Variants in SHANK2 observed in about 807,000 individuals in gnomAD.
SHANK2 encodes the protein SH3 and multiple ankyrin repeat domains 2, also known as SH3 and multiple ankyrin repeat domains protein 2.
SHANK2 carries 43 observed loss-of-function variants against 133.7 expected under a neutral mutation model. The ratio of observed to expected loss-of-function variants is 0.32; its 90% CI spans 0.25 to 0.41. The LOEUF (loss-of-function observed/expected upper bound fraction) is 0.41, where lower values mean the gene tolerates loss of function less well. SHANK2 is among the 10% of genes least tolerant of loss of function. The pLI, the probability that SHANK2 is intolerant of heterozygous loss-of-function variation, is 1.00. For missense variants in SHANK2, 1,994 were observed against 2,235.8 expected (o/e 0.89, Z 2.18); for synonymous variants, 1,017 against 952.8 (o/e 1.07, Z -1.24).
intron 1 of SHANK2, among the ~76,000 whole-genome samples, chr11:71,234,870 C>T (rs906693815): frequency 1.3e-5 from 2 of 152,168 alleles, no homozygotes; most frequent in African/African-American, 4.8e-5. Context: ...CTCTAATATT[C>T]GAAACATGTA....
intron 10 of SHANK2, among the ~76,000 whole-genome samples, chr11:70,917,659 G>A (rs1555080062): frequency 6.6e-6 from 1 of 152,202 alleles, no homozygotes; most frequent in Non-Finnish European, 1.5e-5. Context: ...ATACACCATG[G>A]AATACTACGC....
At chr11:70,588,761 T>G (rs888283043) in intron 17 of SHANK2, among the ~76,000 whole-genome samples, 5 of 152,242 alleles carry the variant, frequency 3.3e-5, no homozygotes, top group Non-Finnish European at 7.3e-5. Context: ...CCAGAGGATC[T>G]AGTTAACTTC....
At chr11:70,880,629 C>T (rs370261800) in intron 11 of SHANK2, among the ~76,000 whole-genome samples, 4 of 152,358 alleles carry the variant, frequency 2.6e-5, no homozygotes, top group East Asian at 1.9e-4. Context: ...CTCTGCTCCT[C>T]GCCCACCCCT....
intron 15 of SHANK2, 171 bp from the exon 16 acceptor site, chr11:70,661,849 G>T: frequency 6.3e-7 from 1 of 1,585,552 alleles, no homozygotes; most frequent in South Asian, 1.1e-5. Context: ...AGCGAAGGAA[G>T]AGGGGGGTGG....
Position 70,472,288 on chromosome 11 carries a change from A to G in SHANK2, c.*581T>C, listed in dbSNP as rs1429411539. 6.4e-6 allele frequency: 1 copy of G among 156,578 alleles called. No homozygotes were observed. The highest frequency in any genetic ancestry group is 1.4e-5 in the Non-Finnish European group (1 of 70,750). The allele number at this position is 156,578 out of a possible 1,614,324, so 9.7% of individuals were successfully genotyped here. Reference sequence around the variant, plus strand: ...AGGAGATGGGGAAAAGAATCTGTGTAGGAAAAAGTTTCTCTGCCTTTCAGG... The same window carrying G: ...AGGAGATGGGGAAAAGAATCTGTGTGGGAAAAAGTTTCTCTGCCTTTCAGG... On this transcript the variant is annotated 3_prime_UTR_variant, in exon 26 of 26. Transcript: ENST00000601538. The surrounding 1 kb of genome is among the most constrained non-coding windows in gnomAD (Gnocchi z 4.4).
intron 14 of SHANK2, among the ~76,000 whole-genome samples, chr11:70,765,211 T>C (rs1334867724): frequency 6.6e-6 from 1 of 152,204 alleles, no homozygotes; most frequent in African/African-American, 2.4e-5. Context: ...GTGGCATGGC[T>C]GGCCGCCTCC....
At chr11:70,762,041 C>T (rs1947008167) in intron 14 of SHANK2, among the ~76,000 whole-genome samples, 1 of 152,212 alleles carries the variant, frequency 6.6e-6, no homozygotes, top group South Asian at 2.1e-4. Context: ...CCATCAGCAT[C>T]TGTGGGCGTG....
In SHANK2 at chr11:70,678,291, C is replaced by T. The variant is rs372561760; in HGVS notation, c.1854-16613G>A. Among the ~76,000 whole-genome samples the T allele has an allele frequency of 7.6e-4, 116 of 152,076 alleles. 1 individual carries two copies. The South Asian group carries it at 0.02, about 26-fold the overall frequency. ...CCTCCTGGGTGGGAATACAGGCATGCGCCACCAGGCCCAGCTAATTTTTGT... is the reference window on the plus strand; with the variant it reads ...CCTCCTGGGTGGGAATACAGGCATGTGCCACCAGGCCCAGCTAATTTTTGT... On this transcript the variant is annotated intron_variant, in intron 15 of 25. Coordinates refer to ENST00000601538, the MANE Select transcript of SHANK2 (RefSeq NM_012309.5).
At chr11:70,507,956 A>G (rs1355277431) in intron 17 of SHANK2, among the ~76,000 whole-genome samples, 1 of 152,238 alleles carries the variant, frequency 6.6e-6, no homozygotes, top group African/African-American at 2.4e-5. Context: ...GGCTCTGCAA[A>G]TGAACTCAGA....
intron 15 of SHANK2, among the ~76,000 whole-genome samples, chr11:70,682,421 C>G (rs980404945): frequency 6.6e-6 from 1 of 152,164 alleles, no homozygotes; most frequent in African/African-American, 2.4e-5. Context: ...GGAGGATCAC[C>G]GAAGGTCAGG....
intron 10 of SHANK2, among the ~76,000 whole-genome samples, chr11:70,921,433 C>T (rs1950349782): frequency 6.6e-6 from 1 of 152,208 alleles, no homozygotes; most frequent in Non-Finnish European, 1.5e-5. Context: ...GAGTTTTTAG[C>T]AGTGAAGTAG....
At chr11:71,068,076 TCAC>T (rs1387476901) in intron 9 of SHANK2, among the ~76,000 whole-genome samples, 2 of 151,900 alleles carry the variant, frequency 1.3e-5, no homozygotes, top group Non-Finnish European at 2.9e-5. Context: ...ACCATCACCA[TCAC>T]CACCATCATC....
chr11:70,593,648 G>A (rs1030922339), intron 17 of SHANK2, among the ~76,000 whole-genome samples: 2 of 152,214 alleles, frequency 1.3e-5, no homozygotes, highest in African/African-American at 4.8e-5. Context: ...GTGAATGAAC[G>A]GAGTGAAGAG....
intron 2 of SHANK2, among the ~76,000 whole-genome samples, chr11:71,161,107 A>G (rs1174113902): frequency 2.0e-5 from 3 of 152,188 alleles, no homozygotes; most frequent in Non-Finnish European, 2.9e-5. Flanking sequence ...GTATGATGGG[A>G]AGTGGGGATT....
In SHANK2 at chr11:70,850,087, C is replaced by A. The variant is rs531536573; in HGVS notation, c.1175-29405G>T. Among the ~76,000 whole-genome samples the A allele has an allele frequency of 4.6e-4, 70 of 152,286 alleles. 1 individual carries two copies. Among genetic ancestry groups the A allele is most frequent in the South Asian group, 4.1e-3 (20 of 4,828 alleles). ...ACTCTAGGGACCTCATATGAGTAGACCAGTACAGGATTTATCCTTTAGTGA... is the reference window on the plus strand; with the variant it reads ...ACTCTAGGGACCTCATATGAGTAGAACAGTACAGGATTTATCCTTTAGTGA... On this transcript the variant is annotated intron_variant, in intron 11 of 25. Transcript: ENST00000601538.
chr11:71,079,183 T>G (rs1951259048), intron 8 of SHANK2, among the ~76,000 whole-genome samples: 1 of 152,228 alleles, frequency 6.6e-6, no homozygotes, highest in Admixed American at 6.5e-5. Flanking sequence ...ATGCATATGC[T>G]GGATCCCATC....
At chr11:70,648,128 C>T (rs763047349) in intron 17 of SHANK2, among the ~76,000 whole-genome samples, 5 of 152,142 alleles carry the variant, frequency 3.3e-5, no homozygotes, top group Non-Finnish European at 5.9e-5. Context: ...CTAAAGCACA[C>T]GATGCTGAAA....
At chr11:70,779,339 C>G (rs561650229) in intron 14 of SHANK2, among the ~76,000 whole-genome samples, 2 of 151,964 alleles carry the variant, frequency 1.3e-5, no homozygotes, top group Middle Eastern at 3.4e-3. Context: ...CAGGACAATG[C>G]GTCCTCATAG....
chr11:70,825,825 G>T (rs1380228225), intron 11 of SHANK2, among the ~76,000 whole-genome samples: 3 of 151,992 alleles, frequency 2.0e-5, no homozygotes, highest in Admixed American at 2.0e-4. Flanking sequence ...GTCTGAAAAT[G>T]ATTAATATTC....
Sources: allele counts gnomAD v4.1 joint callset (sites outside exome capture counted in the v4.1 genomes callset), GRCh38; gene constraint gnomAD v4.1.1; non-coding constraint Gnocchi (gnomAD v3.1); transcripts MANE v1.5; gene names NCBI Gene and HGNC (gene_info 2026-07-23, HGNC 2026-07-21).